CEP170: variants seen among roughly 807,000 people sequenced by gnomAD.
CEP170 encodes centrosomal protein of 170 kDa.
In CEP170, 21 loss-of-function variants were observed where a neutral mutation model predicts 151.9. The observed-to-expected ratio is 0.14, with a 90% CI of 0.10 to 0.20. The LOEUF (loss-of-function observed/expected upper bound fraction) is 0.20. Among genes scored for constraint, CEP170 ranks in the 10% least tolerant of loss-of-function variants. CEP170 has a pLI of 1.00. For missense variants in CEP170, 964 were observed against 1,892.9 expected (o/e 0.51, Z 9.11); for synonymous variants, 356 against 648.8 (o/e 0.55, Z 6.86).
At chr1:243,140,254 T>G in intron 15 of CEP170, 147 bp from the exon 16 acceptor site, 1 of 1,216,004 alleles carries the variant, frequency 8.2e-7, no homozygotes, top group Non-Finnish European at 1.1e-6. Flanking sequence ...CAATTACTCT[T>G]TCTTTTTATA....
At chr1:243,232,016 T>G (rs1178904800) in intron 1 of CEP170, among the ~76,000 whole-genome samples, 3 of 151,942 alleles carry the variant, frequency 2.0e-5, no homozygotes. Flanking sequence ...CAGGCAGGAG[T>G]TCAGTGGCAA....
chr1:243,226,137 G>GTA (rs145769714), intron 1 of CEP170, among the ~76,000 whole-genome samples: 3 of 127,600 alleles, frequency 2.4e-5, no homozygotes, highest in Non-Finnish European at 1.6e-5. Flanking sequence ...GTATATATGT[G>GTA]TATATATATG....
At chr1:243,201,513 G>C (rs1408800869) in intron 4 of CEP170, among the ~76,000 whole-genome samples, 6 of 152,076 alleles carry the variant, frequency 3.9e-5, no homozygotes, top group Admixed American at 3.3e-4. Context: ...CTAAAGAGTA[G>C]AGGTCACATT....
chr1:243,178,843 C>A (rs556189069), intron 10 of CEP170, among the ~76,000 whole-genome samples: 1 of 151,928 alleles, frequency 6.6e-6, no homozygotes, highest in East Asian at 1.9e-4. Context: ...CTCAGCCTCC[C>A]GAGTAGCTGG....
chr1:243,226,604 TA>T (rs77377807), intron 1 of CEP170, among the ~76,000 whole-genome samples: 1 of 152,216 alleles, frequency 6.6e-6, no homozygotes, highest in Non-Finnish European at 1.5e-5. Context: ...TGATACTACA[TA>T]AAAATTATAT....
intron 13 of CEP170, among the ~76,000 whole-genome samples, chr1:243,157,627 T>C (rs1019279800): frequency 6.6e-6 from 1 of 152,234 alleles, no homozygotes; most frequent in Non-Finnish European, 1.5e-5. Flanking sequence ...TCCTTTTTAA[T>C]AGAAACTGAC....
At chr1:243,206,888 A>G (rs2061457525) in intron 4 of CEP170, among the ~76,000 whole-genome samples, 1 of 152,214 alleles carries the variant, frequency 6.6e-6, no homozygotes, top group South Asian at 2.1e-4. Context: ...AAGACAAATT[A>G]TAAGTCCTAA....
At chr1:243,146,630 C>G (rs760610301) in intron 14 of CEP170, among the ~76,000 whole-genome samples, 1 of 144,410 alleles carries the variant, frequency 6.9e-6, no homozygotes, top group Non-Finnish European at 1.5e-5. Context: ...TCAAATAGAA[C>G]AAGTATAGTG....
chr1:243,189,547 C>G lies in CEP170; in HGVS notation c.1108+1471G>C, dbSNP rs1267503145. 2.2e-5 allele frequency among the ~76,000 whole-genome samples: 3 copies of G among 137,630 alleles called. No individual in the cohort carries two copies. In the East Asian group the frequency reaches 6.3e-4, roughly 29 times the overall value. The allele number at this position is 137,630 out of a possible 152,430, so 90.3% of individuals were successfully genotyped here. On this transcript the variant is annotated intron_variant, in intron 8 of 19. Coordinates refer to ENST00000366542, the MANE Select transcript of CEP170 (RefSeq NM_014812.3). ...CTCCAGCCTGAGTGACAAAGCGAGA[C>G]TCTGTCTCCAAAAAAAAAAAAAAAA...
chr1:243,234,980 G>A (rs1279582846), intron 1 of CEP170, among the ~76,000 whole-genome samples: 3 of 152,062 alleles, frequency 2.0e-5, no homozygotes, highest in African/African-American at 7.2e-5. Context: ...AATTCTTCAA[G>A]TTCGAGAAAA....
chr1:243,239,296 GT>G (rs1346902354), intron 1 of CEP170, among the ~76,000 whole-genome samples: 79 of 152,204 alleles, frequency 5.2e-4, no homozygotes, highest in African/African-American at 1.9e-3. Flanking sequence ...CTTTAGTTAG[GT>G]AAGTCATTAT....
chr1:243,241,906 G>C (rs1194087397), intron 1 of CEP170, among the ~76,000 whole-genome samples: 2 of 151,892 alleles, frequency 1.3e-5, no homozygotes, highest in Admixed American at 1.3e-4. Flanking sequence ...AGTTGACTAG[G>C]AAGATCAAAA....
At chr1:243,146,551 CATTAAGT>C (rs766509323) in intron 14 of CEP170, among the ~76,000 whole-genome samples, 46 of 151,568 alleles carry the variant, frequency 3.0e-4, no homozygotes, top group South Asian at 1.5e-3. Flanking sequence ...AATTTTGTTT[CATTAAGT>C]ATTTGGTTTA....
chr1:243,201,512 A>G (rs1295622441), intron 4 of CEP170, among the ~76,000 whole-genome samples: 1 of 152,178 alleles, frequency 6.6e-6, no homozygotes, highest in Non-Finnish European at 1.5e-5. Context: ...ACTAAAGAGT[A>G]GAGGTCACAT....
chr1:243,250,065 G>A (rs1322399820), intron 1 of CEP170, among the ~76,000 whole-genome samples: 3 of 151,890 alleles, frequency 2.0e-5, no homozygotes, highest in Non-Finnish European at 2.9e-5. Flanking sequence ...GCAAGACTCC[G>A]TCTCAAAAAA....
At chr1:243,181,948 A>T (rs1032966385) in intron 10 of CEP170, among the ~76,000 whole-genome samples, 10 of 152,010 alleles carry the variant, frequency 6.6e-5, no homozygotes, top group Non-Finnish European at 1.5e-4. Context: ...TTTTGTATTC[A>T]ATTACTGCTA....
intron 4 of CEP170, among the ~76,000 whole-genome samples, chr1:243,201,476 C>A (rs1166656765): frequency 6.6e-6 from 1 of 152,076 alleles, no homozygotes; most frequent in Non-Finnish European, 1.5e-5. Flanking sequence ...AAGAACACTG[C>A]CTCTGTATAT....
chr1:243,141,052 C>T (rs2055776826), intron 15 of CEP170, among the ~76,000 whole-genome samples: 1 of 152,138 alleles, frequency 6.6e-6, no homozygotes, highest in Non-Finnish European at 1.5e-5. Flanking sequence ...TTAAACAACA[C>T]ATTGAAGGAA....
At chr1:243,194,368 T>C (rs1313356075) in intron 7 of CEP170, among the ~76,000 whole-genome samples, 2 of 151,962 alleles carry the variant, frequency 1.3e-5, no homozygotes, top group Non-Finnish European at 2.9e-5. Context: ...GCTATTGCTA[T>C]TGATATATAT....
Sources: allele counts gnomAD v4.1 joint callset (sites outside exome capture counted in the v4.1 genomes callset), GRCh38; gene constraint gnomAD v4.1.1; transcripts MANE v1.5; gene names NCBI Gene and HGNC (gene_info 2026-07-23, HGNC 2026-07-21).